Variants in MTMR3 observed in about 807,000 individuals in gnomAD.
The protein encoded by MTMR3 is phosphatidylinositol-3,5-bisphosphate 3-phosphatase MTMR3.
A neutral mutation model predicts 132.4 loss-of-function variants in MTMR3; 32 were observed. The observed-to-expected ratio is 0.24, with a 90% CI of 0.18 to 0.32. The LOEUF is 0.32. Among genes scored for constraint, MTMR3 ranks in the 10% least tolerant of loss-of-function variants. The probability of loss-of-function intolerance (pLI) is 1.00; values close to 1 mark genes in which losing one functional copy is unlikely to be tolerated. For missense variants in MTMR3, 1,216 were observed against 1,489.6 expected (o/e 0.82, Z 3.02); for synonymous variants, 556 against 550.3 (o/e 1.01, Z -0.14).
At chr22:30,007,678 A>G in intron 10 of MTMR3, 1 of 587,764 alleles carries the variant, frequency 1.7e-6, no homozygotes. Flanking sequence ...TGTGAACCCC[A>G]TGTGTACTCT....
chr22:30,020,207 G>C lies in MTMR3; in HGVS notation c.2548G>C (p.Val850Leu). 6 of 1,614,238 alleles carry C rather than the reference G, an allele frequency of 3.7e-6. No individual in the cohort carries two copies. The highest frequency in any genetic ancestry group is 2.2e-5 in the East Asian group (1 of 44,882). The change falls in exon 17 of 20, where the codon GTG becomes CTG. Residue 850 changes from valine (V) to leucine (L), a missense_variant. By Grantham distance (32) the Val-to-Leu change is conservative. This residue lies in a region of MTMR3 where 852 missense variants were observed against 852.0 expected (regional missense o/e 1.00). Transcript: ENST00000401950. Reference sequence around the variant, plus strand: ...CGTGGACAGTTCTACAGACATGTTAGTGGAAGATAAGGTGAAGTCAGTAAG... The same window carrying C: ...CGTGGACAGTTCTACAGACATGTTACTGGAAGATAAGGTGAAGTCAGTAAG... ...PNVDSSTDML[V>L]EDKVKSVSGP...
chr22:29,944,065 C>T (rs533241576), intron 1 of MTMR3, among the ~76,000 whole-genome samples: 211 of 151,986 alleles, frequency 1.4e-3, no homozygotes, highest in African/African-American at 4.2e-3. Flanking sequence ...GTGATCCTCC[C>T]GCCTTGGCAT....
At chr22:30,015,169 CCT>C (rs1339966766) in intron 14 of MTMR3, 1 of 152,166 alleles carries the variant, frequency 6.6e-6, no homozygotes, top group Non-Finnish European at 1.5e-5. Flanking sequence ...ACCTTAGCCC[CCT>C]GAGTAGCTAG....
At chr22:29,954,762 C>T (rs895992716) in intron 1 of MTMR3, among the ~76,000 whole-genome samples, 7 of 152,168 alleles carry the variant, frequency 4.6e-5, no homozygotes, top group African/African-American at 1.4e-4. Context: ...TCTTGCCCTT[C>T]GACTTGACCT....
Position 29,978,526 on chromosome 22 carries a change from C to G in MTMR3, c.88C>G (p.Leu30Val). 1 of 1,612,702 alleles carries G rather than the reference C, an allele frequency of 6.2e-7. No homozygotes were observed. The highest frequency in any genetic ancestry group is 8.5e-7 in the Non-Finnish European group (1 of 1,178,978). The change falls in exon 4 of 20, where the codon CTT becomes GTT. Residue 30 changes from leucine (L) to valine (V), a missense_variant. Physicochemically the swap from Leu to Val is conservative, Grantham distance 32. Transcript: ENST00000401950. ...RKQLIREDENLQVPFLELHGE... is the reference protein window; with the variant it reads ...RKQLIREDENVQVPFLELHGE... ...GCAGCTGATCCGGGAGGATGAGAAT[C>G]TTCAGGTAATTATAGGCCACTTTTA...
intron 2 of MTMR3, among the ~76,000 whole-genome samples, chr22:29,970,612 A>T (rs2066514515): frequency 7.0e-6 from 1 of 143,740 alleles, no homozygotes; most frequent in Non-Finnish European, 1.5e-5. Flanking sequence ...TGCTGGGATT[A>T]TAGGCATTAA....
chr22:29,977,904 T>C (rs1347224173), intron 3 of MTMR3, among the ~76,000 whole-genome samples: 1 of 152,160 alleles, frequency 6.6e-6, no homozygotes, highest in East Asian at 1.9e-4. Flanking sequence ...CGCAGCACTT[T>C]GGGAGGCTGA....
rs2067716684 is a variant in MTMR3, at chr22:30,020,509, G to A, written c.2850G>A (p.Met950Ile). 2 of 1,614,144 alleles carry A rather than the reference G, an allele frequency of 1.2e-6. No homozygotes were observed. The highest frequency in any genetic ancestry group is 1.1e-5 in the South Asian group (1 of 91,088). Residue 950 changes from methionine (M) to isoleucine (I), a missense_variant, in exon 17 of 20, where the codon ATG (methionine) becomes ATA (isoleucine). Met to Ile is a conservative substitution (Grantham distance 10). Around this residue, in one of 7 missense-constraint regions of MTMR3, gnomAD observed 852 missense variants for 852.0 expected, o/e 1.00. Coordinates refer to ENST00000401950, the MANE Select transcript of MTMR3 (RefSeq NM_021090.4). ...EQPPGLSTLQ[M>I]YPTPNGHCAN... Reference sequence around the variant, plus strand: ...CCCCAGGTCTTAGCACCCTCCAGATGTACCCCACACCCAATGGGCATTGCG... The same window carrying A: ...CCCCAGGTCTTAGCACCCTCCAGATATACCCCACACCCAATGGGCATTGCG...
intron 12 of MTMR3, chr22:30,011,572 A>C (rs1303998064): frequency 7.9e-5 from 12 of 152,294 alleles, no homozygotes. Flanking sequence ...CATGTTGGCC[A>C]GGCTGGTCTG....
Position 29,897,372 on chromosome 22 carries a change from G to A in MTMR3, c.-138+14013G>A, listed in dbSNP as rs796292483. ...TTACAGGCGTAAGCCACCATGTCCA[G>A]CCCATTCAGTAGATTTAATAGATGC... is the stretch of plus-strand genomic sequence containing the variant. On this transcript the variant is annotated intron_variant, in intron 1 of 19. Coordinates refer to ENST00000401950, the MANE Select transcript of MTMR3 (RefSeq NM_021090.4). Among the ~76,000 whole-genome samples the A allele has an allele frequency of 2.6e-5, 4 of 152,140 alleles. 1 individual carries two copies. Among genetic ancestry groups the A allele is most frequent in the East Asian group, 1.9e-4 (1 of 5,190 alleles).
At position 29,978,989 on chromosome 22, in the gene MTMR3, G is replaced by A. The variant is rs768414994; in HGVS notation, c.147G>A (p.Glu49=). Residue 49 remains glutamate (E), a synonymous_variant, in exon 5 of 20, where the codon GAG becomes GAA. Coordinates refer to ENST00000401950, the MANE Select transcript of MTMR3 (RefSeq NM_021090.4). ...GCACAGAGTTTGTGGGCCGTGCCGA[G>A]GATGCCATCATTGCCCTTTCCAATT... is the stretch of plus-strand genomic sequence containing the variant. ...GESTEFVGRA[E]DAIIALSNYR... is the part of the protein sequence containing the mutation. 1.9e-6 allele frequency: 3 copies of A among 1,613,910 alleles called. No individual in the cohort carries two copies. The highest frequency in any genetic ancestry group is 2.5e-6 in the Non-Finnish European group (3 of 1,179,934).
intron 1 of MTMR3, among the ~76,000 whole-genome samples, chr22:29,953,179 A>G (rs970242663): frequency 6.6e-6 from 1 of 152,214 alleles, no homozygotes; most frequent in East Asian, 1.9e-4. Flanking sequence ...TTTGAAAGAC[A>G]AGACTATGTA....
intron 2 of MTMR3, among the ~76,000 whole-genome samples, chr22:29,957,713 T>C (rs773583339): frequency 5.6e-4 from 85 of 152,290 alleles, no homozygotes; most frequent in Non-Finnish European, 1.3e-4. Context: ...TTGAGTTTTC[T>C]TAAATTGGTA....
intron 3 of MTMR3, among the ~76,000 whole-genome samples, chr22:29,973,310 A>C (rs902120017): frequency 6.6e-6 from 1 of 152,258 alleles, no homozygotes. Context: ...AAGCCTATGC[A>C]GAGAGAAAAG....
chr22:29,971,172 T>C (rs1400759518), intron 3 of MTMR3, 110 bp downstream of exon 3: 6 of 1,131,356 alleles, frequency 5.3e-6, no homozygotes, highest in Non-Finnish European at 7.4e-6. Flanking sequence ...TGTAAGAAAT[T>C]ATTTCTTTTT....
chr22:30,022,237 C>T (rs56292244), intron 18 of MTMR3, 98 bp downstream of exon 18: 18,338 of 904,500 alleles, frequency 0.02, 286 homozygotes, highest in Non-Finnish European at 0.026. Flanking sequence ...CAAGGAAGCA[C>T]CTCCCAGCAC....
intron 5 of MTMR3, chr22:29,982,196 G>A (rs112486725): frequency 0.085 from 10,590 of 125,086 alleles, 482 homozygotes; most frequent in Middle Eastern, 0.16. Context: ...GTGACAGAGC[G>A]AGACTCTGTC....
chr22:29,962,653 C>G (rs1053503294), intron 2 of MTMR3, among the ~76,000 whole-genome samples: 1 of 152,114 alleles, frequency 6.6e-6, no homozygotes, highest in African/African-American at 2.4e-5. Flanking sequence ...CAACTCCAGC[C>G]TGGGCAGCAG....
At chr22:29,938,978 C>T (rs186172483) in intron 1 of MTMR3, among the ~76,000 whole-genome samples, 98 of 152,080 alleles carry the variant, frequency 6.4e-4, no homozygotes, top group African/African-American at 2.2e-3. Flanking sequence ...CCCGCCACCA[C>T]GCCCGGCTAA....
Sources: allele counts gnomAD v4.1 joint callset (sites outside exome capture counted in the v4.1 genomes callset), GRCh38; gene constraint gnomAD v4.1.1; regional missense constraint gnomAD v4.1.1; transcripts MANE v1.5; gene names NCBI Gene and HGNC (gene_info 2026-07-23, HGNC 2026-07-21).